Variants in PKIA observed in about 807,000 individuals in gnomAD.
PKIA encodes PKI-alpha.
In PKIA, 4 loss-of-function variants were observed where a neutral mutation model predicts 7.6. The observed-to-expected ratio is 0.52, with a 90% CI of 0.26 to 1.20. PKIA has a LOEUF of 1.20. Among genes scored for constraint, PKIA ranks in the 50% most tolerant of loss-of-function variants. The pLI is 0.13. For synonymous variants in PKIA, 21 were observed against 30.7 expected (o/e 0.68, Z 1.04); for missense variants, 73 against 86.2 (o/e 0.85, Z 0.61).
At chr8:78,551,333 A>G (rs892050226) in intron 1 of PKIA, among the ~76,000 whole-genome samples, 13 of 152,082 alleles carry the variant, frequency 8.5e-5, no homozygotes, top group African/African-American at 3.1e-4. Flanking sequence ...AATGTATGGT[A>G]TATGGTAGAC....
intron 2 of PKIA, among the ~76,000 whole-genome samples, chr8:78,587,297 A>G (rs1308616125): frequency 2.6e-5 from 4 of 152,236 alleles, no homozygotes; most frequent in African/African-American, 9.6e-5. Flanking sequence ...CAAGTATTAT[A>G]TAACAAAGAA....
At chr8:78,548,317 T>C (rs1252331022) in intron 1 of PKIA, among the ~76,000 whole-genome samples, 1 of 152,182 alleles carries the variant, frequency 6.6e-6, no homozygotes, top group African/African-American at 2.4e-5. Context: ...GATCTCCTAG[T>C]GTAATTGCAT....
At chr8:78,583,838 T>G (rs567453336) in intron 2 of PKIA, among the ~76,000 whole-genome samples, 1 of 152,168 alleles carries the variant, frequency 6.6e-6, no homozygotes, top group South Asian at 2.1e-4. Context: ...GTCATTTATA[T>G]CCCACTGCTC....
In PKIA at chr8:78,605,149, T is replaced by C. The variant is rs1179387870; in HGVS notation, c.*3328T>C. ...TGTCTTAATAGACCCTAAATTGTTC[T>C]TTAATTACAAGAGTGGCAGTCTCTG... On this transcript the variant is annotated 3_prime_UTR_variant, in exon 4 of 4. Coordinates refer to ENST00000396418, the MANE Select transcript of PKIA (RefSeq NM_006823.4). 6.6e-6 allele frequency: 1 copy of C among 152,056 alleles called. No homozygotes were observed. Among genetic ancestry groups the C allele is most frequent in the Non-Finnish European group, 1.5e-5 (1 of 67,968 alleles). The allele number at this position is 152,056 out of a possible 1,614,324, so 9.4% of individuals were successfully genotyped here. A position where few individuals can be genotyped will look rare whatever the true frequency, so the allele number is the denominator to read the frequency against.
intron 1 of PKIA, among the ~76,000 whole-genome samples, chr8:78,530,790 G>A (rs1806370669): frequency 6.6e-6 from 1 of 151,926 alleles, no homozygotes; most frequent in South Asian, 2.1e-4. Flanking sequence ...GCAACCTAAT[G>A]GTAAGATGCA....
intron 2 of PKIA, among the ~76,000 whole-genome samples, chr8:78,593,169 C>T (rs577101305): frequency 1.7e-4 from 26 of 152,304 alleles, no homozygotes; most frequent in African/African-American, 6.0e-4. Context: ...GTCACCCAGG[C>T]TGAAATGCAG....
rs571090727 is a variant in PKIA at position 78,516,920 on chromosome 8, T to C, written c.-157+452T>C. On this transcript the variant is annotated intron_variant, in intron 1 of 3. Coordinates refer to ENST00000396418, the MANE Select transcript of PKIA (RefSeq NM_006823.4). ...CTTTCCAGTTATCAGAATGGGTCTG[T>C]GCCCCTCTCAATGGCAAAACACCTG... 2.6e-5 allele frequency among the ~76,000 whole-genome samples: 4 copies of C among 152,264 alleles called. No individual in the cohort carries two copies. The South Asian group carries it at 6.2e-4, about 24-fold the overall frequency.
At chr8:78,571,385 C>T (rs1807543267) in intron 1 of PKIA, among the ~76,000 whole-genome samples, 1 of 152,082 alleles carries the variant, frequency 6.6e-6, no homozygotes, top group South Asian at 2.1e-4. Context: ...CTACATCTCC[C>T]CCTACACTCA....
intron 1 of PKIA, among the ~76,000 whole-genome samples, chr8:78,532,190 C>G (rs921278901): frequency 1.3e-4 from 20 of 152,070 alleles, no homozygotes; most frequent in Admixed American, 1.3e-3. Flanking sequence ...AGCAATAATT[C>G]TACCTTTTCT....
At chr8:78,590,697 A>G (rs761179736) in intron 2 of PKIA, among the ~76,000 whole-genome samples, 1 of 151,850 alleles carries the variant, frequency 6.6e-6, no homozygotes, top group Non-Finnish European at 1.5e-5. Flanking sequence ...AAATATTTAT[A>G]TAAAGTGTAA....
At position 78,516,448 on chromosome 8, in the gene PKIA, C is replaced by T. The variant is rs886837096; in HGVS notation, c.-177C>T. 1 of 152,356 alleles carries T rather than the reference C, an allele frequency of 6.6e-6. No homozygotes were observed. The highest frequency in any genetic ancestry group is 1.5e-5 in the Non-Finnish European group (1 of 68,164). 9.4% of individuals were successfully genotyped at this position (152,356 alleles called of 1,614,324 possible). Reference sequence around the variant, plus strand: ...CCGTGGCGGCGTGCGCGGGGACCTGCGCTGACTAGGTCCGGGGAAGGTAAG... The same window carrying T: ...CCGTGGCGGCGTGCGCGGGGACCTGTGCTGACTAGGTCCGGGGAAGGTAAG... On this transcript the variant is annotated 5_prime_UTR_variant, in exon 1 of 4. Transcript: ENST00000396418.
intron 2 of PKIA, among the ~76,000 whole-genome samples, chr8:78,573,689 T>A (rs149418565): frequency 5.9e-5 from 9 of 152,086 alleles, no homozygotes; most frequent in African/African-American, 2.2e-4. Context: ...TGATCCCTAG[T>A]CAGTACTCAA....
intron 2 of PKIA, among the ~76,000 whole-genome samples, chr8:78,578,666 C>T (rs1181097852): frequency 2.0e-5 from 3 of 151,966 alleles, no homozygotes; most frequent in Admixed American, 2.0e-4. Flanking sequence ...GCTTTTAGAA[C>T]ACCATACTCT....
At chr8:78,544,755 G>T (rs529764033) in intron 1 of PKIA, among the ~76,000 whole-genome samples, 1 of 152,238 alleles carries the variant, frequency 6.6e-6, no homozygotes, top group African/African-American at 2.4e-5. Flanking sequence ...ACTAATGTAC[G>T]TACCTTATCT....
intron 1 of PKIA, among the ~76,000 whole-genome samples, chr8:78,523,534 T>C (rs1809457058): frequency 6.6e-6 from 1 of 151,926 alleles, no homozygotes; most frequent in Non-Finnish European, 1.5e-5. Flanking sequence ...CTCACTTATA[T>C]ACTGCAGAAT....
chr8:78,544,688 T>C (rs1806779175), intron 1 of PKIA, among the ~76,000 whole-genome samples: 1 of 152,142 alleles, frequency 6.6e-6, no homozygotes, highest in African/African-American at 2.4e-5. Context: ...CTTTCAGAGG[T>C]CAGGCAGGTC....
chr8:78,583,455 T>G (rs1180074582), intron 2 of PKIA, among the ~76,000 whole-genome samples: 2 of 152,122 alleles, frequency 1.3e-5, no homozygotes, highest in Non-Finnish European at 2.9e-5. Context: ...GCCTCATCCC[T>G]CTTGCTTTTG....
In PKIA at chr8:78,544,463, T is replaced by C. The variant is rs182003475; in HGVS notation, c.-157+27995T>C. Among the ~76,000 whole-genome samples the C allele has an allele frequency of 8.9e-4, 135 of 152,300 alleles. 2 individuals carry two copies. The highest frequency in any genetic ancestry group is 3.0e-3 in the African/African-American group (125 of 41,584). ...TCACCTAACATCCTATTCTGAATCA[T>C]ATTCCAGCACACTATATTTTGAAAT... is the stretch of plus-strand genomic sequence containing the variant. On this transcript the variant is annotated intron_variant, in intron 1 of 3. Transcript: ENST00000396418.
chr8:78,543,508 G>GT (rs1806746950), intron 1 of PKIA, among the ~76,000 whole-genome samples: 1 of 152,054 alleles, frequency 6.6e-6, no homozygotes, highest in African/African-American at 2.4e-5. Context: ...CTCATACTCT[G>GT]TTTTTTCTAG....
Sources: gnomAD v4.1 joint callset for allele counts (sites outside exome capture counted in the v4.1 genomes callset) on GRCh38, gnomAD v4.1.1 for gene constraint, MANE v1.5 for transcripts, NCBI Gene and HGNC (gene_info 2026-07-23, HGNC 2026-07-21) for gene names.